DPYD: variants seen among roughly 807,000 people sequenced by gnomAD.
DPYD encodes the protein dihydropyrimidine dehydrogenase.
DPYD carries 109 observed loss-of-function variants against 116.2 expected under a neutral mutation model. That is an observed-to-expected ratio of 0.94 (90% CI 0.80 to 1.10). The LOEUF (loss-of-function observed/expected upper bound fraction) is 1.10. Ranked by LOEUF, DPYD falls within the 50% of genes least tolerant of loss-of-function variation. The probability of loss-of-function intolerance (pLI) is 0.00; values close to 1 mark genes in which losing one functional copy is unlikely to be tolerated. For missense variants in DPYD, 1,302 were observed against 1,254.5 expected (o/e 1.04, Z -0.57); for synonymous variants, 440 against 432.0 (o/e 1.02, Z -0.23).
chr1:97,567,057 T>C (rs1652566781), intron 11 of DPYD, among the ~76,000 whole-genome samples: 2 of 151,994 alleles, frequency 1.3e-5, no homozygotes, highest in Admixed American at 1.3e-4. Flanking sequence ...AAAAGAAAAA[T>C]GGACACATTT....
chr1:97,682,202 T>C (rs774936691), intron 7 of DPYD, among the ~76,000 whole-genome samples: 7 of 151,990 alleles, frequency 4.6e-5, no homozygotes, highest in Admixed American at 1.3e-4. Context: ...TAGAAAACAG[T>C]TGAGTTTTCC....
chr1:97,607,790 C>A (rs1486110853), intron 8 of DPYD, among the ~76,000 whole-genome samples: 4 of 151,852 alleles, frequency 2.6e-5, no homozygotes, highest in Admixed American at 1.3e-4. Flanking sequence ...AAATTTAAAA[C>A]ATTATACAGC....
At position 97,799,535 on chromosome 1, in the gene DPYD, C is replaced by A. The variant is rs79566012; in HGVS notation, c.233+28579G>T. ...AAAGGTGAAGTACAAATTATGTGATCTATCATAACCTGAAATAAACATATG... is the reference window on the plus strand; with the variant it reads ...AAAGGTGAAGTACAAATTATGTGATATATCATAACCTGAAATAAACATATG... On this transcript the variant is annotated intron_variant, in intron 3 of 22. Transcript: ENST00000370192. Among the ~76,000 whole-genome samples, 588 of 151,992 alleles carry A rather than the reference C, an allele frequency of 3.9e-3. 11 individuals are homozygous for A. In the East Asian group the frequency reaches 0.05, roughly 13 times the overall value.
intron 19 of DPYD, among the ~76,000 whole-genome samples, chr1:97,202,615 A>G (rs1007402481): frequency 6.6e-6 from 1 of 152,194 alleles, no homozygotes; most frequent in African/African-American, 2.4e-5. Flanking sequence ...ACTATTCAGA[A>G]GAGCATTTGT....
intron 3 of DPYD, among the ~76,000 whole-genome samples, chr1:97,746,526 A>G (rs1013518653): frequency 6.6e-6 from 1 of 152,124 alleles, no homozygotes; most frequent in African/African-American, 2.4e-5. Context: ...ACTTATGACT[A>G]TTAAAGACTG....
intron 18 of DPYD, among the ~76,000 whole-genome samples, chr1:97,277,159 G>T (rs1664983464): frequency 6.6e-6 from 1 of 152,020 alleles, no homozygotes. Flanking sequence ...TAAACACTGG[G>T]TATACATGGA....
At chr1:97,137,888 G>C (rs1162131259) in intron 20 of DPYD, among the ~76,000 whole-genome samples, 1 of 152,024 alleles carries the variant, frequency 6.6e-6, no homozygotes, top group African/African-American at 2.4e-5. Context: ...CATATTCACT[G>C]TTTATAAGCA....
At chr1:97,515,178 T>C (rs1372622553) in intron 13 of DPYD, among the ~76,000 whole-genome samples, 2 of 151,950 alleles carry the variant, frequency 1.3e-5, no homozygotes, top group Non-Finnish European at 2.9e-5. Context: ...ATCTCAACTT[T>C]AATACGTAGT....
At chr1:97,655,986 T>C (rs934022281) in intron 8 of DPYD, among the ~76,000 whole-genome samples, 1 of 152,174 alleles carries the variant, frequency 6.6e-6, no homozygotes, top group Non-Finnish European at 1.5e-5. Flanking sequence ...TCATTATTTA[T>C]TACGTAGAAA....
chr1:97,538,048 CA>C (rs1451354035), intron 12 of DPYD, among the ~76,000 whole-genome samples: 1 of 136,146 alleles, frequency 7.3e-6, no homozygotes, highest in African/African-American at 2.8e-5. Context: ...GCCTGGGCAA[CA>C]ATAGTGAAAC....
At chr1:97,112,707 A>G (rs17116410) in intron 20 of DPYD, among the ~76,000 whole-genome samples, 3,023 of 152,216 alleles carry the variant, frequency 0.02, 50 homozygotes, top group African/African-American at 0.043. Flanking sequence ...GACACTGTGG[A>G]GTGAAAGCAT....
At chr1:97,216,472 T>A (rs760985462) in intron 19 of DPYD, among the ~76,000 whole-genome samples, 2 of 152,126 alleles carry the variant, frequency 1.3e-5, no homozygotes, top group Non-Finnish European at 2.9e-5. Flanking sequence ...GAGTAAACGG[T>A]TTATTACAAG....
At chr1:97,245,039 C>T (rs960403174) in intron 18 of DPYD, among the ~76,000 whole-genome samples, 1 of 152,008 alleles carries the variant, frequency 6.6e-6, no homozygotes, top group African/African-American at 2.4e-5. Context: ...GAATTCAAAG[C>T]CAGTGGCAAT....
intron 8 of DPYD, among the ~76,000 whole-genome samples, chr1:97,676,726 A>T (rs1660164212): frequency 6.6e-6 from 1 of 152,200 alleles, no homozygotes; most frequent in African/African-American, 2.4e-5. Context: ...ATGGTAATAC[A>T]AAGGTCATAA....
At chr1:97,658,596 A>G (rs1659077296) in intron 8 of DPYD, among the ~76,000 whole-genome samples, 1 of 152,094 alleles carries the variant, frequency 6.6e-6, no homozygotes, top group South Asian at 2.1e-4. Context: ...ATAATAATTA[A>G]TTACTTCAGC....
intron 20 of DPYD, among the ~76,000 whole-genome samples, chr1:97,106,506 G>A (rs1233047644): frequency 2.6e-5 from 4 of 152,186 alleles, no homozygotes; most frequent in African/African-American, 9.6e-5. Context: ...CTTCTGGAGT[G>A]AGAGCTAGGA....
chr1:97,229,546 GTATATATATATATATATATATATA>G (rs55638142), intron 19 of DPYD, among the ~76,000 whole-genome samples: 11 of 58,164 alleles, frequency 1.9e-4, no homozygotes, highest in Non-Finnish European at 2.5e-4. Flanking sequence ...ACCATCCTAA[GTATATATATATATATATATATATA>G]TATATATATA....
chr1:97,594,499 T>C (rs1344880148), intron 9 of DPYD, among the ~76,000 whole-genome samples: 1 of 152,202 alleles, frequency 6.6e-6, no homozygotes, highest in Non-Finnish European at 1.5e-5. Flanking sequence ...TTTAAAAATA[T>C]ACATTTGAAG....
intron 1 of DPYD, among the ~76,000 whole-genome samples, chr1:97,902,748 T>A (rs1673427975): frequency 6.6e-6 from 1 of 151,882 alleles, no homozygotes; most frequent in Non-Finnish European, 1.5e-5. Context: ...GATTTCTTTA[T>A]TATTTTAGAC....
Sources: gnomAD v4.1 joint callset for allele counts (sites outside exome capture counted in the v4.1 genomes callset) on GRCh38, gnomAD v4.1.1 for gene constraint, MANE v1.5 for transcripts, NCBI Gene and HGNC (gene_info 2026-07-23, HGNC 2026-07-21) for gene names.